Variants in STON2 observed in about 807,000 individuals in gnomAD.
The protein encoded by STON2 is stonin 2.
Under a neutral mutation model 65.7 loss-of-function variants are expected in STON2, and 29 were observed. That is an observed-to-expected ratio of 0.44 (90% CI 0.33 to 0.60). STON2 has a LOEUF of 0.60. Among genes scored for constraint, STON2 ranks in the 20% least tolerant of loss-of-function variants. STON2 has a pLI of 0.03. For missense variants in STON2, 1,054 were observed against 1,118.1 expected (o/e 0.94, Z 0.82); for synonymous variants, 404 against 414.2 (o/e 0.98, Z 0.30).
At chr14:81,399,914 A>C (rs1900517146) in intron 1 of STON2, among the ~76,000 whole-genome samples, 1 of 152,174 alleles carries the variant, frequency 6.6e-6, no homozygotes. Context: ...ATCAAGTAAA[A>C]GCCATAACAA....
chr14:81,370,318 C>T (rs1898926143), intron 4 of STON2, among the ~76,000 whole-genome samples: 1 of 152,200 alleles, frequency 6.6e-6, no homozygotes, highest in Non-Finnish European at 1.5e-5. Flanking sequence ...AACATCTTTC[C>T]AATGCCAAGT....
rs1901183051 is a variant in STON2, at chr14:81,411,898, CAGAAG to C, written c.-198-13323_-198-13319del. Among the ~76,000 whole-genome samples the C allele has an allele frequency of 3.7e-4, 36 of 98,186 alleles. 1 individual carries two copies. The highest frequency in any genetic ancestry group is 9.4e-4 in the African/African-American group (16 of 16,974). The allele number at this position is 98,186 out of a possible 152,430, so 64.4% of individuals were successfully genotyped here. ...ACAAGGAATCTTATACATAGAGTGA[CAGAAG>C]ATGTCTCTGAAGAGGTGACATTTAA... On this transcript the variant is annotated intron_variant, in intron 2 of 8. Coordinates refer to the STON2 transcript ENST00000553821.
intron 5 of STON2, among the ~76,000 whole-genome samples, chr14:81,320,028 G>T: frequency 6.6e-6 from 1 of 152,154 alleles, no homozygotes; most frequent in African/African-American, 2.4e-5. Context: ...TATGGATCTG[G>T]ATGGATTTGT....
At chr14:81,338,880 G>C (rs761801737) in intron 4 of STON2, among the ~76,000 whole-genome samples, 1 of 152,170 alleles carries the variant, frequency 6.6e-6, no homozygotes, top group Non-Finnish European at 1.5e-5. Flanking sequence ...GCATAATAAG[G>C]AATCAAGGAA....
intron 5 of STON2, among the ~76,000 whole-genome samples, chr14:81,301,885 C>T (rs539706947): frequency 1.3e-5 from 2 of 152,250 alleles, no homozygotes; most frequent in African/African-American, 4.8e-5. Context: ...TCCAGAAATG[C>T]TTGCTTCTCA....
At chr14:81,413,326 G>A (rs1901262228) in intron 2 of STON2, 3 of 1,118,900 alleles carry the variant, frequency 2.7e-6, no homozygotes, top group African/African-American at 3.9e-5. Context: ...GAAATTTTCA[G>A]CCTTGCTAAG....
At chr14:81,401,315 T>G (rs1324771837), upstream of STON2, among the ~76,000 whole-genome samples, 1 of 152,100 alleles carries the variant, frequency 6.6e-6, no homozygotes, top group African/African-American at 2.4e-5. Flanking sequence ...GCCCCAAAAC[T>G]TTATCTATCC....
intron 3 of STON2, among the ~76,000 whole-genome samples, chr14:81,374,760 G>GAT (rs2140376656): frequency 6.6e-6 from 1 of 152,240 alleles, no homozygotes; most frequent in Admixed American, 6.5e-5. Flanking sequence ...CAGTCTCATA[G>GAT]ATATCTAATA....
At chr14:81,391,033 T>C (rs1900054437) in intron 3 of STON2, among the ~76,000 whole-genome samples, 1 of 152,220 alleles carries the variant, frequency 6.6e-6, no homozygotes, top group African/African-American at 2.4e-5. Context: ...CCTCTGCCAC[T>C]TTCATAAGGA....
intron 3 of STON2, among the ~76,000 whole-genome samples, chr14:81,391,413 G>A (rs908522623): frequency 7.2e-5 from 11 of 152,216 alleles, no homozygotes; most frequent in African/African-American, 2.7e-4. Context: ...TGTGTAACTT[G>A]GGGAATGTCT....
At chr14:81,365,119 T>C (rs1431152177) in intron 4 of STON2, among the ~76,000 whole-genome samples, 1 of 152,216 alleles carries the variant, frequency 6.6e-6, no homozygotes, top group African/African-American at 2.4e-5. Context: ...TGGTGCTAAC[T>C]GAAAATGCTA....
chr14:81,269,452 A>C (rs570878646), intron 7 of STON2: 2 of 985,452 alleles, frequency 2.0e-6, no homozygotes, highest in East Asian at 2.3e-4. Context: ...ATCTCAACCG[A>C]AATCTTTGAT....
chr14:81,362,394 G>C (rs530749096), intron 4 of STON2, among the ~76,000 whole-genome samples: 1 of 152,082 alleles, frequency 6.6e-6, no homozygotes, highest in African/African-American at 2.4e-5. Flanking sequence ...AGAAAAACAA[G>C]TACCAAATAT....
rs766749645 is a variant in STON2 at position 81,395,925 on chromosome 14, T to A, written c.342A>T (p.Thr114=). Residue 114 remains threonine (T), a synonymous_variant, in exon 3 of 8, where the codon ACA becomes ACT. Coordinates refer to ENST00000614646, the MANE Select transcript of STON2 (RefSeq NM_001394390.1). Reference sequence around the variant, plus strand: ...CAGCTGTTTCCTGATGAGGTGGAGATGTGCTGGCCCAGGGTGTGTCATCTT... The same window carrying A: ...CAGCTGTTTCCTGATGAGGTGGAGAAGTGCTGGCCCAGGGTGTGTCATCTT... The part of the protein sequence containing the change: ...QFEDDTPWAS[T]SPPHQETAET... 1 of 1,614,074 alleles carries A rather than the reference T, an allele frequency of 6.2e-7. No homozygotes were observed. Among genetic ancestry groups the A allele is most frequent in the Admixed American group, 1.7e-5 (1 of 60,022 alleles).
intron 3 of STON2, among the ~76,000 whole-genome samples, chr14:81,385,944 G>A (rs7158981): frequency 1.3e-5 from 2 of 152,124 alleles, no homozygotes; most frequent in South Asian, 2.1e-4. Flanking sequence ...CTGGCCCCCC[G>A]CTGCAGAGGC....
At chr14:81,339,980 C>T (rs1897531952) in intron 4 of STON2, among the ~76,000 whole-genome samples, 1 of 151,766 alleles carries the variant, frequency 6.6e-6, no homozygotes, top group Non-Finnish European at 1.5e-5. Context: ...CGATGAAACC[C>T]CATCTCTACT....
intron 4 of STON2, among the ~76,000 whole-genome samples, chr14:81,332,577 C>T (rs1897250065): frequency 2.0e-5 from 3 of 152,144 alleles, no homozygotes; most frequent in Admixed American, 2.0e-4. Flanking sequence ...TACCTCAGTG[C>T]CTTGAACTTA....
At chr14:81,410,277 C>CAAAAAAAAAAAAAAAAAAAAAAAAA (rs1901085052) in intron 2 of STON2, among the ~76,000 whole-genome samples, 1 of 38,944 alleles carries the variant, frequency 2.6e-5, no homozygotes, top group Non-Finnish European at 5.2e-5. Context: ...GTAACTCTAA[C>CAAAAAAAAAAAAAAAAAAAAAAAAA]CAAAAAAAAA....
At chr14:81,351,671 C>T (rs1898031226) in intron 4 of STON2, among the ~76,000 whole-genome samples, 1 of 152,196 alleles carries the variant, frequency 6.6e-6, no homozygotes, top group Admixed American at 6.5e-5. Flanking sequence ...GAGATTCTGT[C>T]CATTCAAAAT....
Sources: gnomAD v4.1 joint callset for allele counts (sites outside exome capture counted in the v4.1 genomes callset) on GRCh38, gnomAD v4.1.1 for gene constraint, MANE v1.5 for transcripts, NCBI Gene and HGNC (gene_info 2026-07-23, HGNC 2026-07-21) for gene names.